Variants in SLC25A25 observed in about 807,000 individuals in gnomAD.
The protein encoded by SLC25A25 is mitochondrial adenyl nucleotide antiporter SLC25A25.
In SLC25A25, 32 loss-of-function variants were observed where a neutral mutation model predicts 57.7. The ratio of observed to expected loss-of-function variants is 0.55; its 90% CI spans 0.42 to 0.74. SLC25A25 has a LOEUF of 0.74. Ranked by LOEUF, SLC25A25 falls within the 30% of genes least tolerant of loss-of-function variation. SLC25A25 has a pLI of 0.00. For synonymous variants in SLC25A25, 306 were observed against 291.2 expected, an observed-to-expected ratio of 1.05 and a Z score of -0.52; for missense variants, 556 against 701.3, an observed-to-expected ratio of 0.79 and a Z score of 2.34.
At chr9:128,091,454 T>C (rs1564185221) in intron 1 of SLC25A25, 1 of 986,008 alleles carries the variant, frequency 1.0e-6, no homozygotes, top group Non-Finnish European at 1.2e-6. Context: ...GTCCTCGGCT[T>C]GGGTGATGAG....
In SLC25A25 at chr9:128,107,621, GACCC is replaced by G; in HGVS notation, c.*178_*181del. Reference sequence around the variant, plus strand: ...TGGCAGGCCCAGGGCTTGTCCTGCTGACCCCAGCAGACCCTCCTGTTGGTTCCAG... The same window carrying G: ...TGGCAGGCCCAGGGCTTGTCCTGCTGCAGCAGACCCTCCTGTTGGTTCCAG... On this transcript the variant is annotated 3_prime_UTR_variant, in exon 11 of 11. Transcript: ENST00000373069. 1.7e-6 allele frequency: 1 copy of G among 597,238 alleles called. No homozygotes were observed. The highest frequency in any genetic ancestry group is 2.6e-6 in the Non-Finnish European group (1 of 378,002). 37.0% of individuals were successfully genotyped at this position (597,238 alleles called of 1,614,324 possible).
rs1397784362 is a variant in SLC25A25 at position 128,101,032 on chromosome 9, C to G, written c.262-64C>G. On this transcript the variant is annotated intron_variant, in intron 1 of 10. Transcript: ENST00000373069. This position sits in a 1 kb window ranked among gnomAD's most constrained non-coding sequence, Gnocchi z 4.9. ...GAAGTCATTGCCTGGGGATGGGGCC[C>G]CACAAGGGACAAGGAAAGGCTGGTC... 13 of 1,605,860 alleles carry G rather than the reference C, an allele frequency of 8.1e-6. No homozygotes were observed. Among genetic ancestry groups the G allele is most frequent in the Non-Finnish European group, 1.0e-5 (12 of 1,176,320 alleles).
At chr9:128,075,403 C>A (rs889968444) in intron 1 of SLC25A25, among the ~76,000 whole-genome samples, 1 of 152,030 alleles carries the variant, frequency 6.6e-6, no homozygotes, top group African/African-American at 2.4e-5. Context: ...TTATTACTGG[C>A]CAGATGCAGT....
intron 1 of SLC25A25, chr9:128,098,615 G>C (rs757816321): frequency 1.2e-6 from 2 of 1,614,148 alleles, no homozygotes; most frequent in South Asian, 2.2e-5. Flanking sequence ...AGCCCAGACC[G>C]AGTTCCAGTA....
intron 1 of SLC25A25, among the ~76,000 whole-genome samples, chr9:128,072,096 G>T (rs1832921065): frequency 6.6e-6 from 1 of 152,148 alleles, no homozygotes; most frequent in Non-Finnish European, 1.5e-5. Flanking sequence ...TAATTTATTA[G>T]CTCATTACCT....
At chr9:128,082,681 CTT>C (rs1406947200) in intron 1 of SLC25A25, among the ~76,000 whole-genome samples, 1 of 152,192 alleles carries the variant, frequency 6.6e-6, no homozygotes, top group Non-Finnish European at 1.5e-5. Context: ...CAGTCTCGCT[CTT>C]TGCCCAGGCT....
At chr9:128,083,166 T>A (rs1217233442) in intron 1 of SLC25A25, among the ~76,000 whole-genome samples, 1 of 150,654 alleles carries the variant, frequency 6.6e-6, no homozygotes, top group African/African-American at 2.4e-5. Flanking sequence ...AGGTGGAGGT[T>A]GCCGTGAGCC....
chr9:128,077,370 A>G (rs1833039083), intron 1 of SLC25A25, among the ~76,000 whole-genome samples: 1 of 151,422 alleles, frequency 6.6e-6, no homozygotes, highest in South Asian at 2.1e-4. Flanking sequence ...AAAAAAAATT[A>G]GCCGGGCGCG....
rs1259803587 is a variant in SLC25A25, at chr9:128,108,324, A to C, written c.*880A>C. 3 of 398,484 alleles carry C rather than the reference A, an allele frequency of 7.5e-6. No individual in the cohort carries two copies. The East Asian group carries it at 1.1e-4, about 14-fold the overall frequency. 24.7% of individuals were successfully genotyped at this position (398,484 alleles called of 1,614,324 possible). Reference sequence around the variant, plus strand: ...GAGGCCTTAATTATGGACTGTTGGGAAAAGGGTTTTGTCCAGAAGGACAAG... The same window carrying C: ...GAGGCCTTAATTATGGACTGTTGGGCAAAGGGTTTTGTCCAGAAGGACAAG... On this transcript the variant is annotated 3_prime_UTR_variant, in exon 11 of 11. Transcript: ENST00000373069.
intron 1 of SLC25A25, among the ~76,000 whole-genome samples, chr9:128,090,043 T>A (rs994220053): frequency 6.6e-6 from 1 of 152,106 alleles, no homozygotes; most frequent in African/African-American, 2.4e-5. Context: ...TGAAAACACG[T>A]CTCTCATCTG....
rs1834071510 is a variant in SLC25A25 at position 128,107,040 on chromosome 9, T to C, written c.1224T>C (p.Asn408=). 6.2e-7 allele frequency: 1 copy of C among 1,613,830 alleles called. No individual in the cohort carries two copies. The highest frequency in any genetic ancestry group is 2.2e-5 in the East Asian group (1 of 44,864). Residue 408 remains asparagine, a synonymous_variant, in exon 10 of 11, where the codon AAT becomes AAC. Coordinates refer to ENST00000373069, the MANE Select transcript of SLC25A25 (RefSeq NM_001330988.2). Reference sequence around the variant, plus strand: ...CCTTCTCCTTCTAGACGCTCAAGAATGCCTGGCTGCAGCACTATGCAGTGA... The same window carrying C: ...CCTTCTCCTTCTAGACGCTCAAGAACGCCTGGCTGCAGCACTATGCAGTGA... ...IDLAVYETLK[N]AWLQHYAVNS... is the part of the protein sequence containing the mutation.
chr9:128,098,713 C>G, intron 1 of SLC25A25: 2 of 1,614,160 alleles, frequency 1.2e-6, no homozygotes, highest in Non-Finnish European at 1.7e-6. Flanking sequence ...CCACCTACCG[C>G]CAGTGGAAGC....
Position 128,105,713 on chromosome 9 carries a change from C to A in SLC25A25, c.784-16C>A. 6.2e-7 allele frequency: 1 copy of A among 1,612,094 alleles called. No homozygotes were observed. The highest frequency in any genetic ancestry group is 1.1e-5 in the South Asian group (1 of 91,000). On this transcript the variant is annotated splice_polypyrimidine_tract_variant and intron_variant, in intron 6 of 10. Transcript: ENST00000373069. ...GGCCCCCCGGGTCCGTCTGACTGTT[C>A]GGTCCTCCCTCCCAGGTCCATGCCT...
intron 1 of SLC25A25, among the ~76,000 whole-genome samples, chr9:128,075,673 C>G (rs1000471322): frequency 1.3e-5 from 2 of 152,110 alleles, no homozygotes; most frequent in Non-Finnish European, 2.9e-5. Flanking sequence ...GAAACCTCAT[C>G]TCTACTAAAA....
rs1302960800 is a variant in SLC25A25 at position 128,068,530 on chromosome 9, G to A, written c.211G>A (p.Ala71Thr). The A allele has an allele frequency of 6.7e-7, 1 of 1,490,800 alleles. No homozygotes were observed. Among genetic ancestry groups the A allele is most frequent in the African/African-American group, 1.5e-5 (1 of 68,776 alleles). 92.3% of individuals were successfully genotyped at this position (1,490,800 alleles called of 1,614,324 possible). ...CGGCGGCCTGTGTGTCAACGACCTG[G>A]CGGTGGGGCTGCGGCGCCTGGGACT... ...RDGGLCVNDL[A>T]VGLRRLGLHR... The change falls in exon 1 of 11, where the codon GCG becomes ACG. Residue 71 changes from alanine (A) to threonine (T), a missense_variant. Coordinates refer to ENST00000373069, the MANE Select transcript of SLC25A25 (RefSeq NM_001330988.2).
At chr9:128,083,948 T>C (rs1274665349) in intron 1 of SLC25A25, among the ~76,000 whole-genome samples, 1 of 152,172 alleles carries the variant, frequency 6.6e-6, no homozygotes, top group Non-Finnish European at 1.5e-5. Flanking sequence ...CCCTTGGGCA[T>C]CTCCAATTGT....
intron 1 of SLC25A25, chr9:128,100,833 G>A (rs1183403535): frequency 1.3e-5 from 6 of 470,180 alleles, no homozygotes; most frequent in Non-Finnish European, 2.3e-5. Context: ...CTCTTCCCAG[G>A]CTCCTTGTTT....
chr9:128,092,781 A>G (rs193208613), intron 1 of SLC25A25, among the ~76,000 whole-genome samples: 93 of 152,334 alleles, frequency 6.1e-4, no homozygotes, highest in African/African-American at 2.1e-3. Context: ...GAGGTGCAGA[A>G]TGGTTACATT....
chr9:128,090,041 C>A (rs1041210763), intron 1 of SLC25A25, among the ~76,000 whole-genome samples: 1 of 152,100 alleles, frequency 6.6e-6, no homozygotes, highest in African/African-American at 2.4e-5. Flanking sequence ...GGTGAAAACA[C>A]GTCTCTCATC....
Sources: allele counts gnomAD v4.1 joint callset (sites outside exome capture counted in the v4.1 genomes callset), GRCh38; gene constraint gnomAD v4.1.1; non-coding constraint Gnocchi (gnomAD v3.1); transcripts MANE v1.5; gene names NCBI Gene and HGNC (gene_info 2026-07-23, HGNC 2026-07-21).